Variants in LARGE1 observed in about 807,000 individuals in gnomAD.
The protein encoded by LARGE1 is LARGE xylosyl- and glucuronyltransferase 1.
Under a neutral mutation model 87.6 loss-of-function variants are expected in LARGE1, and 43 were observed. The ratio of observed to expected loss-of-function variants is 0.49; its 90% CI spans 0.38 to 0.63. The LOEUF is 0.63. Ranked by LOEUF, LARGE1 falls within the 30% of genes least tolerant of loss-of-function variation. LARGE1 has a pLI of 0.00. For synonymous variants in LARGE1, 434 were observed against 394.6 expected (o/e 1.10, Z -1.18); for missense variants, 802 against 1,000.2 (o/e 0.80, Z 2.67).
intron 11 of LARGE1, among the ~76,000 whole-genome samples, chr22:33,198,358 C>T (rs1409277266): frequency 6.6e-6 from 1 of 151,922 alleles, no homozygotes; most frequent in African/African-American, 2.4e-5. Context: ...TCTCACTCTG[C>T]CACCTGGGCT....
At chr22:33,340,583 G>A (rs1202064123) in intron 9 of LARGE1, among the ~76,000 whole-genome samples, 3 of 151,830 alleles carry the variant, frequency 2.0e-5, no homozygotes, top group Non-Finnish European at 4.4e-5. Flanking sequence ...ATGAATACCT[G>A]AGCACAGTCC....
At chr22:33,851,385 T>G (rs2063578811) in intron 1 of LARGE1, among the ~76,000 whole-genome samples, 1 of 152,364 alleles carries the variant, frequency 6.6e-6, no homozygotes, top group African/African-American at 2.4e-5. Flanking sequence ...CGAGGCACAC[T>G]TACCCAACCT....
At chr22:33,606,428 G>GAAATAAAATA (rs55899842) in intron 4 of LARGE1, among the ~76,000 whole-genome samples, 103,410 of 148,558 alleles carry the variant, frequency 0.7, 36,253 homozygotes, top group African/African-American at 0.76. Context: ...AAAATAAAAT[G>GAAATAAAATA]AAATAAAATA....
chr22:33,770,268 A>T (rs1051646622), intron 1 of LARGE1, among the ~76,000 whole-genome samples: 4 of 152,254 alleles, frequency 2.6e-5, no homozygotes. Flanking sequence ...GAAGATACTA[A>T]AATAATGTCA....
chr22:33,922,258 C>T (rs1415421989), upstream of LARGE1, among the ~76,000 whole-genome samples: 1 of 11,298 alleles, frequency 8.9e-5, no homozygotes, highest in South Asian at 5.6e-3. Context: ...GACCCCACTC[C>T]TCGAGGTCGG....
chr22:33,174,772 C>G (rs774157594), intron 11 of LARGE1, among the ~76,000 whole-genome samples: 7 of 152,152 alleles, frequency 4.6e-5, no homozygotes, highest in Non-Finnish European at 8.8e-5. Flanking sequence ...GACACATACA[C>G]CCTCCCAAGA....
At chr22:33,132,160 C>A in the LARGE1 span, among the ~76,000 whole-genome samples, 1 of 152,056 alleles carries the variant, frequency 6.6e-6, no homozygotes, top group Non-Finnish European at 1.5e-5. Flanking sequence ...ACCTTCATAA[C>A]TATTTATTTG....
chr22:33,400,145 A>C (rs1361136326), intron 7 of LARGE1, among the ~76,000 whole-genome samples: 2 of 152,220 alleles, frequency 1.3e-5, no homozygotes, highest in East Asian at 3.8e-4. Flanking sequence ...AGAACGCAGG[A>C]GATAACATTT....
chr22:33,323,166 CAAA>C (rs1310540265), intron 10 of LARGE1, among the ~76,000 whole-genome samples: 2 of 152,018 alleles, frequency 1.3e-5, no homozygotes, highest in African/African-American at 4.8e-5. Context: ...CAACAAAAAA[CAAA>C]AACAAAACAG....
At chr22:33,349,889 C>T (rs1444068995) in intron 9 of LARGE1, among the ~76,000 whole-genome samples, 2 of 152,150 alleles carry the variant, frequency 1.3e-5, no homozygotes, top group African/African-American at 2.4e-5. Flanking sequence ...AAAAACACAT[C>T]ATTATCCAGG....
chr22:33,255,406 C>T (rs1353041780), intron 11 of LARGE1, among the ~76,000 whole-genome samples: 2 of 152,182 alleles, frequency 1.3e-5, no homozygotes, highest in South Asian at 2.1e-4. Context: ...GGACTGCTGA[C>T]CAAATGCTGG....
At chr22:33,532,113 T>C (rs780211549) in intron 6 of LARGE1, among the ~76,000 whole-genome samples, 5 of 152,224 alleles carry the variant, frequency 3.3e-5, no homozygotes, top group Non-Finnish European at 5.9e-5. Context: ...AATGGATGAA[T>C]AGAACAGGGA....
At chr22:33,447,181 C>T (rs2067717040) in intron 6 of LARGE1, among the ~76,000 whole-genome samples, 1 of 152,258 alleles carries the variant, frequency 6.6e-6, no homozygotes, top group Non-Finnish European at 1.5e-5. Flanking sequence ...AGGCATGAGC[C>T]ACTGCACCTG....
At chr22:33,600,656 C>G (rs953027223) in intron 5 of LARGE1, among the ~76,000 whole-genome samples, 2 of 150,182 alleles carry the variant, frequency 1.3e-5, no homozygotes, top group Non-Finnish European at 3.0e-5. Context: ...CAAAATGAAT[C>G]TGCAGGACTG....
intron 12 of LARGE1, among the ~76,000 whole-genome samples, chr22:33,287,993 T>C (rs1265383185): frequency 6.6e-6 from 1 of 152,114 alleles, no homozygotes; most frequent in Non-Finnish European, 1.5e-5. Flanking sequence ...TTGAAAAATA[T>C]GTTGATGAGG....
chr22:33,468,484 T>C (rs2068705573), intron 6 of LARGE1, among the ~76,000 whole-genome samples: 3 of 152,320 alleles, frequency 2.0e-5, no homozygotes, highest in African/African-American at 4.8e-5. Flanking sequence ...TTTTCTATTA[T>C]AGTCACCATC....
intron 7 of LARGE1, among the ~76,000 whole-genome samples, chr22:33,421,947 T>C (rs962902505): frequency 1.3e-5 from 2 of 152,222 alleles, no homozygotes; most frequent in Admixed American, 6.5e-5. Context: ...TTTGGTTGGG[T>C]CACTGAATTT....
rs745306763 is a variant in LARGE1, at chr22:33,337,679, G to A, written c.1254C>T (p.Gly418=). The A allele has an allele frequency of 2.5e-6, 4 of 1,614,162 alleles. No individual in the cohort carries two copies. In the South Asian group the frequency reaches 4.4e-5, roughly 18 times the overall value. The change falls in exon 10 of 15, where the codon GGC becomes GGT. Residue 418 remains glycine, a synonymous_variant. Coordinates refer to ENST00000397394, the MANE Select transcript of LARGE1 (RefSeq NM_133642.5). ...TGTTGACATCAGCCTCACTGGGGCA[G>A]CCAAACAGTTCCCGCCTCAGAAGAT... ...DGNLLRRELF[G]CPSEADVNSE...
At chr22:33,542,900 C>A (rs1035847970) in intron 6 of LARGE1, among the ~76,000 whole-genome samples, 1 of 152,092 alleles carries the variant, frequency 6.6e-6, no homozygotes, top group South Asian at 2.1e-4. Flanking sequence ...TCTGTCCAAG[C>A]GAAGTTCTCT....
Sources: allele counts gnomAD v4.1 joint callset (sites outside exome capture counted in the v4.1 genomes callset), GRCh38; gene constraint gnomAD v4.1.1; transcripts MANE v1.5; gene names NCBI Gene and HGNC (gene_info 2026-07-23, HGNC 2026-07-21).